SRSF4: variants seen among roughly 807,000 people sequenced by gnomAD.
SRSF4 encodes serine and arginine rich splicing factor 4.
Under a neutral mutation model 48.8 loss-of-function variants are expected in SRSF4, and 12 were observed. The observed-to-expected ratio is 0.25, with a 90% confidence interval of 0.16 to 0.40. SRSF4 has a LOEUF of 0.40. Ranked by LOEUF, SRSF4 falls within the 10% of genes least tolerant of loss-of-function variation. The pLI is 1.00. For synonymous variants in SRSF4, 248 were observed against 232.5 expected, an observed-to-expected ratio of 1.07 and a Z score of -0.61; for missense variants, 466 against 667.1, an observed-to-expected ratio of 0.70 and a Z score of 3.32.
chr1:29,159,607 C>A, intron 2 of SRSF4, 121 bp from the exon 3 acceptor site: 1 of 553,978 alleles, frequency 1.8e-6, no homozygotes, highest in Non-Finnish European at 3.1e-6. Context: ...CACGTTTTAA[C>A]TCTATTCCCA....
Position 29,174,464 on chromosome 1 carries a change from T to C in SRSF4, c.107+7182A>G, listed in dbSNP as rs191552472. On this transcript the variant is annotated intron_variant, in intron 1 of 5. Transcript: ENST00000373795. The stretch of plus-strand genomic sequence containing the variant: ...TAAATGCCTTGCAACATGGTTCTGA[T>C]TATGTCCATTAAATAACATATGTAT... 1.9e-3 allele frequency among the ~76,000 whole-genome samples: 288 copies of C among 152,290 alleles called. 1 individual carries two copies. The highest frequency in any genetic ancestry group is 6.6e-3 in the African/African-American group (275 of 41,560).
Position 29,177,440 on chromosome 1 carries a change from C to T in SRSF4, c.107+4206G>A, listed in dbSNP as rs553906957. Among the ~76,000 whole-genome samples the T allele has an allele frequency of 3.3e-5, 5 of 152,234 alleles. No individual in the cohort carries two copies. In the East Asian group the frequency reaches 9.6e-4, roughly 29 times the overall value. ...AGGATTACAGGCATGTGCCACGACG[C>T]CCGGCTAACTTTGTATTTTTAGTAG... On this transcript the variant is annotated intron_variant, in intron 1 of 5. Transcript: ENST00000373795.
chr1:29,163,787 C>A (rs1397066017), intron 1 of SRSF4, among the ~76,000 whole-genome samples: 4 of 152,202 alleles, frequency 2.6e-5, no homozygotes, highest in Admixed American at 2.6e-4. Context: ...AGCTGGCATT[C>A]AAACCTGTGG....
intron 3 of SRSF4, 23 bp from the exon 4 acceptor site, chr1:29,154,933 C>T: frequency 6.3e-7 from 1 of 1,598,042 alleles, no homozygotes; most frequent in South Asian, 1.1e-5. Flanking sequence ...AAAAGTGTGA[C>T]TACATTAGGA....
chr1:29,166,269 G>C (rs552051584), intron 1 of SRSF4, among the ~76,000 whole-genome samples: 2 of 152,220 alleles, frequency 1.3e-5, no homozygotes, highest in South Asian at 4.1e-4. Context: ...GGTCTTATGA[G>C]GTAAAAAGTC....
In SRSF4 at chr1:29,150,951, T is replaced by C. The variant is rs558849554; in HGVS notation, c.579-759A>G. Among the ~76,000 whole-genome samples the C allele has an allele frequency of 1.4e-4, 21 of 152,328 alleles. No homozygotes were observed. The South Asian group carries it at 1.9e-3, about 14-fold the overall frequency. ...CCTTTCTGTGTATACTTTTCCCCTTTACGATCTATTCAACTCACTGTGACG... is the reference window on the plus strand; with the variant it reads ...CCTTTCTGTGTATACTTTTCCCCTTCACGATCTATTCAACTCACTGTGACG... On this transcript the variant is annotated intron_variant, in intron 4 of 5. Coordinates refer to ENST00000373795, the MANE Select transcript of SRSF4 (RefSeq NM_005626.5).
intron 3 of SRSF4, 87 bp downstream of exon 3, chr1:29,159,287 G>C: frequency 1.2e-6 from 1 of 815,072 alleles, no homozygotes; most frequent in Non-Finnish European, 2.0e-6. Flanking sequence ...ACTGTATTTT[G>C]TGTATGCCTG....
intron 1 of SRSF4, chr1:29,173,451 T>C (rs1174038517): frequency 1.6e-5 from 2 of 125,846 alleles, no homozygotes; most frequent in Non-Finnish European, 3.2e-5. Flanking sequence ...GCCTAAAAAG[T>C]TGTTTTTTTT....
In SRSF4 at chr1:29,181,897, A is replaced by G. The variant is rs554047627; in HGVS notation, c.-145T>C. The stretch of plus-strand genomic sequence containing the variant: ...CCGAACCCCGGCGACGTACGCGAGC[A>G]CGCAGCTCGCGAGCGCGCGCTTCCA... On this transcript the variant is annotated 5_prime_UTR_variant, in exon 1 of 6. Coordinates refer to ENST00000373795, the MANE Select transcript of SRSF4 (RefSeq NM_005626.5). 3.7e-6 allele frequency: 2 copies of G among 546,416 alleles called. No individual in the cohort carries two copies. The highest frequency in any genetic ancestry group is 2.0e-5 in the African/African-American group (1 of 49,824). The allele number at this position is 546,416 out of a possible 1,614,324, so 33.8% of individuals were successfully genotyped here.
intron 1 of SRSF4, among the ~76,000 whole-genome samples, chr1:29,178,436 C>T (rs1672903947): frequency 1.3e-5 from 2 of 150,404 alleles, no homozygotes; most frequent in Admixed American, 1.3e-4. Flanking sequence ...CTCCACCTCC[C>T]AGGTTCACGC....
At chr1:29,166,959 T>C (rs1040222982) in intron 1 of SRSF4, 3 of 152,280 alleles carry the variant, frequency 2.0e-5, no homozygotes, top group African/African-American at 4.8e-5. Flanking sequence ...TCCGGATCCC[T>C]TGACCATCTA....
At chr1:29,164,874 C>T (rs1380349632) in intron 1 of SRSF4, among the ~76,000 whole-genome samples, 1 of 152,196 alleles carries the variant, frequency 6.6e-6, no homozygotes. Flanking sequence ...TAATGTTTCT[C>T]TGCAATAGGT....
intron 4 of SRSF4, among the ~76,000 whole-genome samples, chr1:29,153,724 G>A (rs1314044444): frequency 2.7e-5 from 4 of 150,724 alleles, no homozygotes; most frequent in Non-Finnish European, 3.0e-5. Flanking sequence ...TCAGCCTCCC[G>A]AGTAGCTGGG....
At chr1:29,155,957 A>AT (rs934302638) in intron 3 of SRSF4, among the ~76,000 whole-genome samples, 2 of 152,140 alleles carry the variant, frequency 1.3e-5, no homozygotes, top group African/African-American at 4.8e-5. Context: ...ATAAGAGGAG[A>AT]TATGATTAGG....
chr1:29,166,267 G>A (rs1030356265), intron 1 of SRSF4, among the ~76,000 whole-genome samples: 1 of 152,150 alleles, frequency 6.6e-6, no homozygotes, highest in African/African-American at 2.4e-5. Flanking sequence ...TTGGTCTTAT[G>A]AGGTAAAAAG....
intron 1 of SRSF4, chr1:29,166,132 A>G (rs1672666117): frequency 6.6e-6 from 1 of 152,150 alleles, no homozygotes; most frequent in Non-Finnish European, 1.5e-5. Flanking sequence ...CTCAATCTAG[A>G]GTCAGTAGCA....
chr1:29,169,597 T>C (rs1240078895), intron 1 of SRSF4: 1 of 152,092 alleles, frequency 6.6e-6, no homozygotes, highest in African/African-American at 2.4e-5. Flanking sequence ...AGGTAACAAA[T>C]CATTAAGAAA....
intron 4 of SRSF4, among the ~76,000 whole-genome samples, chr1:29,150,404 A>T (rs1392420490): frequency 6.6e-6 from 1 of 152,220 alleles, no homozygotes. Flanking sequence ...ATCTGGGATT[A>T]CAGGCATGTG....
intron 1 of SRSF4, among the ~76,000 whole-genome samples, chr1:29,164,893 C>T (rs564979790): frequency 2.1e-4 from 32 of 152,296 alleles, no homozygotes; most frequent in African/African-American, 7.5e-4. Context: ...GTTGAGTATT[C>T]TGAATCCGAA....
Sources: gnomAD v4.1 joint callset for allele counts (sites outside exome capture counted in the v4.1 genomes callset) on GRCh38, gnomAD v4.1.1 for gene constraint, MANE v1.5 for transcripts, NCBI Gene and HGNC (gene_info 2026-07-23, HGNC 2026-07-21) for gene names.